INHBC: variants seen among roughly 807,000 people sequenced by gnomAD.
INHBC encodes the protein inhibin subunit beta C.
In INHBC, 10 loss-of-function variants were observed where a neutral mutation model predicts 12.4. The ratio of observed to expected loss-of-function variants is 0.81; its 90% CI spans 0.50 to 1.37. INHBC has a LOEUF of 1.37. Among genes scored for constraint, INHBC ranks in the 40% most tolerant of loss-of-function variants. The pLI is 0.00. For synonymous variants in INHBC, 147 were observed against 171.6 expected (o/e 0.86, Z 1.12); for missense variants, 382 against 439.4 (o/e 0.87, Z 1.17).
chr12:57,440,803 A>G (rs1044327402), intron 1 of INHBC, among the ~76,000 whole-genome samples: 11 of 152,196 alleles, frequency 7.2e-5, no homozygotes, highest in African/African-American at 2.7e-4. Flanking sequence ...AATACACAAT[A>G]CAAGTTCCCC....
chr12:57,446,639 T>C (rs1237606051), intron 1 of INHBC, among the ~76,000 whole-genome samples: 1 of 151,910 alleles, frequency 6.6e-6, no homozygotes, highest in Non-Finnish European at 1.5e-5. Context: ...GGACTACAGG[T>C]GTACACTAGT....
At position 57,435,135 on chromosome 12, in the gene INHBC, A is replaced by C; in HGVS notation, c.249A>C (p.Pro83=). The change falls in exon 1 of 2, where the codon CCA becomes CCC. Residue 83 remains proline, a synonymous_variant. Coordinates refer to ENST00000309668, the MANE Select transcript of INHBC (RefSeq NM_005538.4). ...RTALQHLHGV[P]QGALLEDNRE... is the part of the protein sequence containing the mutation. ...CACTGCAGCACCTCCACGGGGTCCCACAGGGGGCACTTCTAGAGGACAACA... is the reference window on the plus strand; with the variant it reads ...CACTGCAGCACCTCCACGGGGTCCCCCAGGGGGCACTTCTAGAGGACAACA... The C allele has an allele frequency of 1.2e-6, 2 of 1,614,208 alleles. No homozygotes were observed. Among genetic ancestry groups the C allele is most frequent in the Non-Finnish European group, 1.7e-6 (2 of 1,180,030 alleles).
chr12:57,449,649 G>GCAAACACC lies in INHBC; in HGVS notation c.687_694dup (p.Gln232ProfsTer45). On this transcript the variant is annotated frameshift_variant, in exon 2 of 2. Coordinates refer to ENST00000309668, the MANE Select transcript of INHBC (RefSeq NM_005538.4). LOFTEE classifies it high-confidence loss of function. ...GTGGCAGCCCGGGTGAGAGTTGGGG[G>GCAAACACC]CAAACACCAGATTCACCGACGAGGC... is the stretch of plus-strand genomic sequence containing the variant. 6.2e-7 allele frequency: 1 copy of GCAAACACC among 1,614,224 alleles called. No individual in the cohort carries two copies. The highest frequency in any genetic ancestry group is 1.1e-5 in the South Asian group (1 of 91,090).
intron 1 of INHBC, among the ~76,000 whole-genome samples, chr12:57,443,370 C>G (rs977265089): frequency 6.6e-6 from 1 of 151,502 alleles, no homozygotes. Flanking sequence ...CCGCAACCTC[C>G]GACTCCCAGG....
chr12:57,450,172 A>G lies in INHBC; in HGVS notation c.*150A>G, dbSNP rs1296060033. ...TCTTATGGAAATTACCCCACCTTTG[A>G]CTTGAAGAAACCTTCATCTAAAGCA... On this transcript the variant is annotated 3_prime_UTR_variant, in exon 2 of 2. Coordinates refer to ENST00000309668, the MANE Select transcript of INHBC (RefSeq NM_005538.4). 2.6e-6 allele frequency: 2 copies of G among 783,816 alleles called. No individual in the cohort carries two copies. The highest frequency in any genetic ancestry group is 3.7e-6 in the Non-Finnish European group (2 of 540,974). The allele number at this position is 783,816 out of a possible 1,614,324, so 48.6% of individuals were successfully genotyped here.
chr12:57,442,211 A>G (rs900800748), intron 1 of INHBC, among the ~76,000 whole-genome samples: 1 of 152,198 alleles, frequency 6.6e-6, no homozygotes, highest in East Asian at 1.9e-4. Context: ...GAATGCCTCA[A>G]TATGTAAGTA....
intron 1 of INHBC, among the ~76,000 whole-genome samples, chr12:57,440,521 T>C (rs1870441852): frequency 6.6e-6 from 1 of 151,912 alleles, no homozygotes; most frequent in Admixed American, 6.6e-5. Flanking sequence ...TTAGTAGAGA[T>C]GGGTTTTCAG....
intron 1 of INHBC, among the ~76,000 whole-genome samples, chr12:57,436,836 T>C (rs1870352337): frequency 6.6e-6 from 1 of 151,712 alleles, no homozygotes; most frequent in Non-Finnish European, 1.5e-5. Flanking sequence ...CTGGCTACTT[T>C]TTATGTATTT....
Position 57,435,028 on chromosome 12 carries a change from A to AAG in INHBC, c.146_147dup (p.Ser50GlufsTer15). On this transcript the variant is annotated frameshift_variant, in exon 1 of 2. Transcript: ENST00000309668. LOFTEE classifies it high-confidence loss of function. Reference sequence around the variant, plus strand: ...GCGGGAGCTGCTTCTTGATCTGGCCAAGAGAAGCATCTTGGACAAGCTGCA... The same window carrying AAG: ...GCGGGAGCTGCTTCTTGATCTGGCCAAGAGAGAAGCATCTTGGACAAGCTGCA... 1 of 1,614,218 alleles carries AAG rather than the reference A, an allele frequency of 6.2e-7. No homozygotes were observed. The highest frequency in any genetic ancestry group is 8.5e-7 in the Non-Finnish European group (1 of 1,180,054).
At position 57,449,714 on chromosome 12, in the gene INHBC, G is replaced by T. The variant is rs1170469029; in HGVS notation, c.751G>T (p.Glu251Ter). Residue 251 changes from glutamate (E) to a stop codon, truncating the protein, a stop_gained, in exon 2 of 2, where the codon GAG becomes TAG. Coordinates refer to ENST00000309668, the MANE Select transcript of INHBC (RefSeq NM_005538.4). LOFTEE classifies it high-confidence loss of function. Reference protein sequence around the residue: ...QGGSRMCCRQEFFVDFREIGW... With the variant: ...QGGSRMCCRQ Reference sequence around the variant, plus strand: ...AGGGTCCAGGATGTGCTGTCGACAAGAGTTTTTTGTGGACTTCCGTGAGAT... The same window carrying T: ...AGGGTCCAGGATGTGCTGTCGACAATAGTTTTTTGTGGACTTCCGTGAGAT... 2.5e-6 allele frequency: 4 copies of T among 1,614,252 alleles called. No homozygotes were observed. The Admixed American group carries it at 6.7e-5, about 27-fold the overall frequency.
intron 1 of INHBC, among the ~76,000 whole-genome samples, chr12:57,440,844 C>G (rs1870448450): frequency 6.6e-6 from 1 of 152,160 alleles, no homozygotes; most frequent in African/African-American, 2.4e-5. Flanking sequence ...AATTTCCTCA[C>G]TGTTCTTCCT....
intron 1 of INHBC, among the ~76,000 whole-genome samples, chr12:57,448,038 T>C (rs1239321055): frequency 6.7e-6 from 1 of 150,154 alleles, no homozygotes; most frequent in African/African-American, 2.5e-5. Context: ...CCATGTTGCC[T>C]GGGCTGGTCT....
chr12:57,447,892 A>AT (rs1381612717), intron 1 of INHBC, among the ~76,000 whole-genome samples: 2 of 19,878 alleles, frequency 1.0e-4, no homozygotes, highest in African/African-American at 3.1e-4. Flanking sequence ...AAAAAAAAAA[A>AT]ATATATATAT....
At chr12:57,447,099 A>G (rs1329917004) in intron 1 of INHBC, among the ~76,000 whole-genome samples, 2 of 152,236 alleles carry the variant, frequency 1.3e-5, no homozygotes, top group Admixed American at 6.5e-5. Context: ...GGGCAGTAGT[A>G]ATAGGGATAC....
chr12:57,435,261 C>T, intron 1 of INHBC, 62 bp downstream of exon 1: 2 of 1,454,086 alleles, frequency 1.4e-6, no homozygotes, highest in Non-Finnish European at 1.9e-6. Context: ...GAAAAGTTTC[C>T]TCGCCAGACT....
chr12:57,441,525 CAAAA>C (rs574320537), intron 1 of INHBC, among the ~76,000 whole-genome samples: 35 of 55,076 alleles, frequency 6.4e-4, no homozygotes, highest in Non-Finnish European at 1.0e-3. Flanking sequence ...AACTCCGTCT[CAAAA>C]AAAAAAAAAA....
chr12:57,437,913 G>A (rs566946923), intron 1 of INHBC, among the ~76,000 whole-genome samples: 1 of 151,996 alleles, frequency 6.6e-6, no homozygotes, highest in Admixed American at 6.6e-5. Context: ...AGCCTCCCGA[G>A]TATCTGGAAC....
chr12:57,446,731 G>C (rs1044417839), intron 1 of INHBC, among the ~76,000 whole-genome samples: 1 of 151,880 alleles, frequency 6.6e-6, no homozygotes, highest in African/African-American at 2.4e-5. Context: ...TCAAACTCCT[G>C]GACTCAAGCC....
chr12:57,449,319 C>T lies in INHBC; in HGVS notation c.356C>T (p.Ser119Phe), dbSNP rs1457747443. The T allele has an allele frequency of 2.5e-6, 4 of 1,614,060 alleles. No individual in the cohort carries two copies. In the African/African-American group the frequency reaches 5.3e-5, roughly 22 times the overall value. The change falls in exon 2 of 2, where the codon TCC (serine) becomes TTC (phenylalanine). Residue 119 changes from serine to phenylalanine, a missense_variant. By Grantham distance (155) the Ser-to-Phe change is radical. Coordinates refer to ENST00000309668, the MANE Select transcript of INHBC (RefSeq NM_005538.4). ...CAGACTCGTCTTGATTTTCACTTCT[C>T]CTCTGATAGAACTGCTGGTGACAGG... ...INQTRLDFHF[S>F]SDRTAGDREV...
Sources: gnomAD v4.1 joint callset for allele counts (sites outside exome capture counted in the v4.1 genomes callset) on GRCh38, gnomAD v4.1.1 for gene constraint, MANE v1.5 for transcripts, NCBI Gene and HGNC (gene_info 2026-07-23, HGNC 2026-07-21) for gene names.